The following TCF4 variants were observed in gnomAD, a reference collection of about 807,000 sequenced individuals.
The protein encoded by TCF4 is transcription factor 4.
A neutral mutation model predicts 82.1 loss-of-function variants in TCF4; 3 were observed. The ratio of observed to expected loss-of-function variants is 0.04; its 90% confidence interval spans 0.02 to 0.09. The LOEUF is 0.09. Ranked by LOEUF, TCF4 falls within the 10% of genes least tolerant of loss-of-function variation. The pLI, the probability that TCF4 is intolerant of heterozygous loss-of-function variation, is 1.00. For synonymous variants in TCF4, 276 were observed against 309.6 expected (o/e 0.89, Z 1.14); for missense variants, 518 against 852.7 (o/e 0.61, Z 4.89).
At chr18:55,314,650 T>C (rs905089185) in intron 8 of TCF4, among the ~76,000 whole-genome samples, 12 of 151,552 alleles carry the variant, frequency 7.9e-5, no homozygotes, top group African/African-American at 2.9e-4. Context: ...GAGATGGGAT[T>C]CTGGTGCCTT....
At chr18:55,403,370 TA>T in intron 6 of TCF4, 83 bp downstream of exon 6, 1 of 1,504,308 alleles carries the variant, frequency 6.6e-7, no homozygotes, top group Non-Finnish European at 9.3e-7. Flanking sequence ...TGTCACAGTT[TA>T]AAATGCATCA....
intron 14 of TCF4, among the ~76,000 whole-genome samples, chr18:55,256,930 C>A (rs907233503): frequency 6.6e-6 from 1 of 152,130 alleles, no homozygotes; most frequent in African/African-American, 2.4e-5. Context: ...ACCTGTTATT[C>A]TGGAAAGTAA....
intron 5 of TCF4, among the ~76,000 whole-genome samples, chr18:55,439,319 G>A (rs1440924507): frequency 6.6e-6 from 1 of 152,146 alleles, no homozygotes; most frequent in Non-Finnish European, 1.5e-5. Flanking sequence ...ACCACGCTGA[G>A]GACAGCACAG....
chr18:55,531,873 C>T (rs556871695), intron 3 of TCF4, among the ~76,000 whole-genome samples: 2 of 152,300 alleles, frequency 1.3e-5, no homozygotes, highest in East Asian at 3.9e-4. Flanking sequence ...CATGACCAAT[C>T]AATACTATAC....
intron 3 of TCF4, among the ~76,000 whole-genome samples, chr18:55,543,990 A>G (rs925810258): frequency 8.5e-5 from 13 of 152,144 alleles, no homozygotes; most frequent in African/African-American, 3.1e-4. Context: ...GAATCACCCA[A>G]TATATAGTTC....
Position 55,531,780 on chromosome 18 carries a change from T to C in TCF4, c.145+53500A>G, listed in dbSNP as rs561224526. On this transcript the variant is annotated intron_variant, in intron 3 of 19. Coordinates refer to ENST00000354452, the MANE Select transcript of TCF4 (RefSeq NM_001083962.2). Reference sequence around the variant, plus strand: ...ATGTTCCACTTTCCAAGACTTATTATGGAATTCATAAGCATTTAAGAATAA... The same window carrying C: ...ATGTTCCACTTTCCAAGACTTATTACGGAATTCATAAGCATTTAAGAATAA... Among the ~76,000 whole-genome samples the C allele has an allele frequency of 5.6e-4, 85 of 152,348 alleles. 1 individual carries two copies. The highest frequency in any genetic ancestry group is 1.1e-3 in the Non-Finnish European group (74 of 68,034).
chr18:55,605,384 T>C (rs965104379), intron 2 of TCF4, among the ~76,000 whole-genome samples: 3 of 152,176 alleles, frequency 2.0e-5, no homozygotes, highest in Non-Finnish European at 4.4e-5. Context: ...TTCCATCCGA[T>C]GGTGTGAGCT....
intron 3 of TCF4, among the ~76,000 whole-genome samples, chr18:55,468,370 A>C (rs760738652): frequency 6.6e-6 from 1 of 152,212 alleles, no homozygotes. Flanking sequence ...AAAAACACAC[A>C]AAGTGTCCAG....
chr18:55,623,794 T>C (rs1427623716), intron 2 of TCF4, among the ~76,000 whole-genome samples: 2 of 152,340 alleles, frequency 1.3e-5, no homozygotes, highest in African/African-American at 4.8e-5. Flanking sequence ...ATCCATGAGC[T>C]GAGCAGTTGC....
chr18:55,547,242 T>C (rs530134627), intron 3 of TCF4, among the ~76,000 whole-genome samples: 1 of 152,364 alleles, frequency 6.6e-6, no homozygotes, highest in African/African-American at 2.4e-5. Flanking sequence ...ACTGTGTCTT[T>C]TTAAAACATG....
chr18:55,450,600 C>A (rs1014107856), intron 5 of TCF4, among the ~76,000 whole-genome samples: 1 of 152,018 alleles, frequency 6.6e-6, no homozygotes, highest in Admixed American at 6.6e-5. Flanking sequence ...AGAGAATAAT[C>A]CAATACAGAG....
At chr18:55,342,999 T>C (rs1270517851) in intron 8 of TCF4, among the ~76,000 whole-genome samples, 3 of 152,102 alleles carry the variant, frequency 2.0e-5, no homozygotes, top group East Asian at 3.8e-4. Flanking sequence ...ATATGGGCCA[T>C]GGAGGGAGGA....
intron 2 of TCF4, among the ~76,000 whole-genome samples, chr18:55,610,635 AT>A: frequency 6.6e-6 from 1 of 152,300 alleles, no homozygotes; most frequent in South Asian, 2.1e-4. Context: ...AAGGGATGTT[AT>A]ATATTAACTA....
chr18:55,415,597 C>T (rs1033463493), intron 5 of TCF4, among the ~76,000 whole-genome samples: 2 of 152,144 alleles, frequency 1.3e-5, no homozygotes, highest in African/African-American at 4.8e-5. Flanking sequence ...ATAAAACTAA[C>T]GTGCTCAATT....
intron 6 of TCF4, among the ~76,000 whole-genome samples, chr18:55,356,470 C>T (rs555747708): frequency 3.3e-5 from 5 of 152,274 alleles, no homozygotes; most frequent in Non-Finnish European, 5.9e-5. Flanking sequence ...AGGATGAGTT[C>T]AGTGGCTCCT....
chr18:55,344,040 C>A (rs191465450), intron 8 of TCF4, among the ~76,000 whole-genome samples: 144 of 152,254 alleles, frequency 9.5e-4, no homozygotes, highest in African/African-American at 3.3e-3. Context: ...ATGGATTCTG[C>A]CTTAAGAAAA....
intron 3 of TCF4, among the ~76,000 whole-genome samples, chr18:55,522,737 A>G (rs2096942857): frequency 6.6e-6 from 1 of 152,104 alleles, no homozygotes; most frequent in South Asian, 2.1e-4. Context: ...CCATAAACAC[A>G]CAGTCATCAT....
chr18:55,517,285 A>G (rs1304088248), intron 3 of TCF4, among the ~76,000 whole-genome samples: 2 of 152,148 alleles, frequency 1.3e-5, no homozygotes, highest in African/African-American at 4.8e-5. Context: ...GTGATTTTCT[A>G]CCATGATGTG....
rs567421024 is a variant in TCF4, at chr18:55,283,050, G to A, written c.550-3394C>T. Among the ~76,000 whole-genome samples, 5 of 152,132 alleles carry A rather than the reference G, an allele frequency of 3.3e-5. No individual in the cohort carries two copies. In the South Asian group the frequency reaches 8.3e-4, roughly 25 times the overall value. ...AGTATATTTAACATGCAAAGTTAGC[G>A]CCATTATCTCTTCTCTTCTAATTCT... On this transcript the variant is annotated intron_variant, in intron 8 of 19. Coordinates refer to ENST00000354452, the MANE Select transcript of TCF4 (RefSeq NM_001083962.2).
Sources: gnomAD v4.1 joint callset for allele counts (sites outside exome capture counted in the v4.1 genomes callset) on GRCh38, gnomAD v4.1.1 for gene constraint, MANE v1.5 for transcripts, NCBI Gene and HGNC (gene_info 2026-07-23, HGNC 2026-07-21) for gene names.